Variants in SMG6 observed in about 807,000 individuals in gnomAD.
SMG6 encodes the protein SMG6 nonsense mediated mRNA decay factor.
In SMG6, 66 loss-of-function variants were observed where a neutral mutation model predicts 142.2. That is an observed-to-expected ratio of 0.46 (90% CI 0.38 to 0.57). SMG6 has a LOEUF of 0.57. Ranked by LOEUF, SMG6 falls within the 20% of genes least tolerant of loss-of-function variation. SMG6 has a pLI of 0.00. For synonymous variants in SMG6, 779 were observed against 702.4 expected (o/e 1.11, Z -1.72); for missense variants, 1,793 against 1,832.0 (o/e 0.98, Z 0.39).
intron 13 of SMG6, among the ~76,000 whole-genome samples, chr17:2,131,248 C>G (rs1567622699): frequency 6.6e-6 from 1 of 151,846 alleles, no homozygotes; most frequent in Non-Finnish European, 1.5e-5. Flanking sequence ...GCTATCATCA[C>G]CTAGCTTCAA....
At chr17:2,206,109 T>G (rs1453288340) in intron 10 of SMG6, among the ~76,000 whole-genome samples, 1 of 151,854 alleles carries the variant, frequency 6.6e-6, no homozygotes, top group Non-Finnish European at 1.5e-5. Flanking sequence ...GCACCCAGCC[T>G]GAAAATATTT....
intron 10 of SMG6, among the ~76,000 whole-genome samples, chr17:2,213,464 G>A (rs927472325): frequency 1.3e-5 from 2 of 152,138 alleles, no homozygotes; most frequent in Non-Finnish European, 2.9e-5. Flanking sequence ...AATGCAGGGC[G>A]GGCAGACGTT....
Position 2,298,030 on chromosome 17 carries a change from G to A in SMG6, c.1873C>T (p.Arg625Cys), listed in dbSNP as rs142000597. ...AACTCAATATCTAATAGAATACAGC[G>A]CTCATATAGCTGCAGCAGTTCAGCT... ...LRAELLQLYERCILLDIEFSD... is the reference protein window; with the variant it reads ...LRAELLQLYECCILLDIEFSD... The change falls in exon 3 of 19, where the codon CGC becomes TGC. Residue 625 changes from arginine to cysteine, a missense_variant. Arg to Cys is a radical substitution (Grantham distance 180, BLOSUM62 -3). Coordinates refer to ENST00000263073, the MANE Select transcript of SMG6 (RefSeq NM_017575.5). The A allele has an allele frequency of 3.7e-5, 59 of 1,608,894 alleles. No homozygotes were observed. The highest frequency in any genetic ancestry group is 1.1e-4 in the African/African-American group (8 of 74,692).
chr17:2,257,108 CAG>C (rs1266932727), intron 8 of SMG6, among the ~76,000 whole-genome samples: 2 of 144,010 alleles, frequency 1.4e-5, no homozygotes, highest in African/African-American at 5.2e-5. Flanking sequence ...TTTTTTGAGA[CAG>C]AGTCTCGCTC....
chr17:2,150,059 C>T (rs2070779507), intron 13 of SMG6, among the ~76,000 whole-genome samples: 1 of 152,198 alleles, frequency 6.6e-6, no homozygotes, highest in Admixed American at 6.5e-5. Context: ...GACCGTGGTA[C>T]CAGTCCATGG....
At chr17:2,264,369 T>C (rs563867008) in intron 8 of SMG6, among the ~76,000 whole-genome samples, 1 of 152,336 alleles carries the variant, frequency 6.6e-6, no homozygotes, top group East Asian at 1.9e-4. Flanking sequence ...TATCAGGTTA[T>C]TCATGAGATG....
chr17:2,223,731 A>G (rs1015732540), intron 10 of SMG6, among the ~76,000 whole-genome samples: 2 of 152,148 alleles, frequency 1.3e-5, no homozygotes, highest in Admixed American at 1.3e-4. Context: ...CCTCTAAGTG[A>G]TATTCTATAC....
At chr17:2,199,554 A>T (rs574916230) in intron 10 of SMG6, among the ~76,000 whole-genome samples, 16 of 151,322 alleles carry the variant, frequency 1.1e-4, no homozygotes, top group African/African-American at 2.9e-4. Flanking sequence ...AAAATAAATA[A>T]AAATAAATAA....
At chr17:2,295,898 A>G (rs2075132916) in intron 4 of SMG6, among the ~76,000 whole-genome samples, 1 of 152,064 alleles carries the variant, frequency 6.6e-6, no homozygotes, top group Non-Finnish European at 1.5e-5. Flanking sequence ...TCATGCCTCC[A>G]ATCTCATCCC....
At chr17:2,284,759 G>C (rs902383849) in intron 6 of SMG6, among the ~76,000 whole-genome samples, 9 of 152,102 alleles carry the variant, frequency 5.9e-5, no homozygotes, top group African/African-American at 2.2e-4. Flanking sequence ...ACCTAGAGAG[G>C]TTTCCTTATT....
chr17:2,180,658 T>TC (rs1419376040), intron 12 of SMG6, among the ~76,000 whole-genome samples: 1 of 151,990 alleles, frequency 6.6e-6, no homozygotes, highest in African/African-American at 2.4e-5. Context: ...ACCCTGGAAT[T>TC]CCCCTCAGAG....
chr17:2,207,378 A>T (rs895346080), intron 10 of SMG6, among the ~76,000 whole-genome samples: 9 of 152,186 alleles, frequency 5.9e-5, no homozygotes, highest in African/African-American at 2.2e-4. Flanking sequence ...CTTTAAATAG[A>T]GGGATACCTG....
In SMG6 at chr17:2,286,711, T is replaced by C. The variant is rs534695823; in HGVS notation, c.2338-2976A>G. 4.6e-5 allele frequency among the ~76,000 whole-genome samples: 7 copies of C among 152,212 alleles called. No homozygotes were observed. In the South Asian group the frequency reaches 6.2e-4, roughly 14 times the overall value. ...GGATTTGGTAATGGTTTCATAGCTATGACATCGAAAGTGAAAGGAACAAAA... is the reference window on the plus strand; with the variant it reads ...GGATTTGGTAATGGTTTCATAGCTACGACATCGAAAGTGAAAGGAACAAAA... On this transcript the variant is annotated intron_variant, in intron 6 of 18. Transcript: ENST00000263073.
chr17:2,186,190 C>A (rs1248673662), intron 12 of SMG6, among the ~76,000 whole-genome samples: 3 of 151,146 alleles, frequency 2.0e-5, no homozygotes, highest in Non-Finnish European at 4.4e-5. Flanking sequence ...TCACTGCACT[C>A]CAGCCTGGGT....
intron 13 of SMG6, among the ~76,000 whole-genome samples, chr17:2,152,981 A>C (rs1176288964): frequency 1.3e-5 from 2 of 152,230 alleles, no homozygotes; most frequent in East Asian, 1.9e-4. Flanking sequence ...ATACAATGGA[A>C]TACTACTCTG....
intron 13 of SMG6, among the ~76,000 whole-genome samples, chr17:2,086,699 G>A (rs546816443): frequency 5.5e-4 from 84 of 152,234 alleles, no homozygotes; most frequent in African/African-American, 2.0e-3. Flanking sequence ...AGTGTCCACC[G>A]TCCCCCAGTC....
At chr17:2,175,190 C>G (rs906520987) in intron 12 of SMG6, among the ~76,000 whole-genome samples, 2 of 152,226 alleles carry the variant, frequency 1.3e-5, no homozygotes, top group African/African-American at 4.8e-5. Flanking sequence ...ACAGGCACTG[C>G]TCGGCTGCAG....
intron 10 of SMG6, among the ~76,000 whole-genome samples, chr17:2,210,321 A>T (rs2072813199): frequency 7.0e-6 from 1 of 142,486 alleles, no homozygotes; most frequent in Admixed American, 7.1e-5. Flanking sequence ...GGGTCTCATT[A>T]TGTTGCCCAG....
intron 8 of SMG6, among the ~76,000 whole-genome samples, chr17:2,260,960 C>T (rs763145430): frequency 1.5e-4 from 23 of 149,758 alleles, no homozygotes; most frequent in Non-Finnish European, 2.8e-4. Context: ...CATGCCATTC[C>T]ACTCCAGCCT....
Sources: gnomAD v4.1 joint callset for allele counts (sites outside exome capture counted in the v4.1 genomes callset) on GRCh38, gnomAD v4.1.1 for gene constraint, MANE v1.5 for transcripts, NCBI Gene and HGNC (gene_info 2026-07-23, HGNC 2026-07-21) for gene names.